The following VWA5A variants were observed in gnomAD, a reference collection of about 807,000 sequenced individuals.
VWA5A encodes von Willebrand factor A domain containing 5A, also known as von Willebrand factor A domain-containing protein 5A.
In VWA5A, 77 loss-of-function variants were observed where a neutral mutation model predicts 84.6. The ratio of observed to expected loss-of-function variants is 0.91; its 90% CI spans 0.76 to 1.10. VWA5A has a LOEUF of 1.10. Among genes scored for constraint, VWA5A ranks in the 50% least tolerant of loss-of-function variants. The pLI, the probability that VWA5A is intolerant of heterozygous loss-of-function variation, is 0.00. For synonymous variants in VWA5A, 334 were observed against 350.1 expected (o/e 0.95, Z 0.51); for missense variants, 973 against 963.0 (o/e 1.01, Z -0.14).
chr11:124,118,863 AC>A, intron 6 of VWA5A, 111 bp from the exon 7 acceptor site: 1 of 1,341,106 alleles, frequency 7.5e-7, no homozygotes, highest in Non-Finnish European at 1.0e-6. Context: ...CTCCAGCCTC[AC>A]CTCTGTTCCT....
At position 124,141,649 on chromosome 11, in the gene VWA5A, G is replaced by C. The variant is rs1288120462; in HGVS notation, c.1931G>C (p.Arg644Thr). Residue 644 changes from arginine (R) to threonine (T), a missense_variant, in exon 16 of 19, where the codon AGA becomes ACA. Coordinates refer to ENST00000456829, the MANE Select transcript of VWA5A (RefSeq NM_001130142.2). Reference protein sequence around the residue: ...SDRPPSASQPRGELMCYKAKT... With the variant: ...SDRPPSASQPTGELMCYKAKT... Reference sequence around the variant, plus strand: ...CGTCCTCCTTCTGCATCTCAGCCCAGAGGGGAACTTATGTGTTATAAGGCC... The same window carrying C: ...CGTCCTCCTTCTGCATCTCAGCCCACAGGGGAACTTATGTGTTATAAGGCC... 9.9e-6 allele frequency: 16 copies of C among 1,614,134 alleles called. No individual in the cohort carries two copies. Among genetic ancestry groups the C allele is most frequent in the Non-Finnish European group, 1.4e-5 (16 of 1,180,034 alleles).
intron 15 of VWA5A, among the ~76,000 whole-genome samples, chr11:124,139,225 TTG>T (rs113893702): frequency 0.19 from 28,183 of 147,208 alleles, 2,873 homozygotes; most frequent in East Asian, 0.49. Context: ...AGCATTTTGT[TTG>T]TGTGTGTGTG....
At chr11:124,120,066 A>C (rs1231792534) in intron 7 of VWA5A, among the ~76,000 whole-genome samples, 3 of 152,214 alleles carry the variant, frequency 2.0e-5, no homozygotes, top group African/African-American at 7.2e-5. Context: ...TTAAGTGTAC[A>C]GTTCTGTGGT....
chr11:124,125,938 C>T (rs920204317), intron 11 of VWA5A, among the ~76,000 whole-genome samples: 3 of 152,158 alleles, frequency 2.0e-5, no homozygotes, highest in African/African-American at 4.8e-5. Context: ...TCCAAAGTTT[C>T]GTATTTTTGT....
intron 17 of VWA5A, among the ~76,000 whole-genome samples, chr11:124,142,968 C>T (rs564915109): frequency 6.6e-6 from 1 of 152,142 alleles, no homozygotes; most frequent in East Asian, 1.9e-4. Context: ...AAGGTAGATC[C>T]CATTTGTGTT....
At chr11:124,128,926 A>G (rs1865058216) in intron 11 of VWA5A, among the ~76,000 whole-genome samples, 1 of 152,222 alleles carries the variant, frequency 6.6e-6, no homozygotes, top group Non-Finnish European at 1.5e-5. Flanking sequence ...TCATCTGCAA[A>G]CAGAGAGAAT....
intron 11 of VWA5A, among the ~76,000 whole-genome samples, chr11:124,125,425 G>A (rs1865005337): frequency 6.6e-6 from 1 of 152,062 alleles, no homozygotes; most frequent in Admixed American, 6.6e-5. Context: ...TGGGACTGCA[G>A]GTGCCCACCA....
chr11:124,141,092 T>C (rs769685070), intron 15 of VWA5A, among the ~76,000 whole-genome samples: 2 of 152,214 alleles, frequency 1.3e-5, no homozygotes, highest in Non-Finnish European at 2.9e-5. Flanking sequence ...TGGAAGTCTA[T>C]GGTCTAGTTT....
At chr11:124,131,006 C>T (rs958951240) in intron 11 of VWA5A, among the ~76,000 whole-genome samples, 1 of 152,022 alleles carries the variant, frequency 6.6e-6, no homozygotes. Flanking sequence ...TTCTTTTCTA[C>T]AGTGAGATAA....
chr11:124,124,192 A>G (rs1445556245), intron 10 of VWA5A, 45 bp from the exon 11 acceptor site: 6 of 1,590,736 alleles, frequency 3.8e-6, no homozygotes, highest in Non-Finnish European at 5.2e-6. Context: ...GTTTCTTAAA[A>G]AGAACTTGAC....
At chr11:124,129,958 T>C (rs755652901) in intron 11 of VWA5A, among the ~76,000 whole-genome samples, 1 of 152,110 alleles carries the variant, frequency 6.6e-6, no homozygotes, top group African/African-American at 2.4e-5. Flanking sequence ...TTTTGAAGGG[T>C]TTTTTCTGTT....
Position 124,145,371 on chromosome 11 carries a change from C to T in VWA5A, c.2281+8C>T, listed in dbSNP as rs1860801166. On this transcript the variant is annotated splice_region_variant and intron_variant, in intron 18 of 18. Transcript: ENST00000456829. The stretch of plus-strand genomic sequence containing the variant: ...GGATGCGTGCCCATGCAGGTAGGAG[C>T]ACAATCCTAAGGCCTGTCTCCTTCC... The T allele has an allele frequency of 1.2e-6, 2 of 1,608,672 alleles. No individual in the cohort carries two copies. The highest frequency in any genetic ancestry group is 4.5e-5 in the East Asian group (2 of 44,742).
intron 11 of VWA5A, chr11:124,124,581 A>G (rs915143555): frequency 1.2e-5 from 14 of 1,174,212 alleles, no homozygotes; most frequent in Non-Finnish European, 1.4e-5. Flanking sequence ...AATTTTTTTT[A>G]CTATAAACAT....
At chr11:124,145,202 C>A (rs2137670104) in intron 17 of VWA5A, 35 bp from the exon 18 acceptor site, 1 of 1,582,964 alleles carries the variant, frequency 6.3e-7, no homozygotes, top group East Asian at 2.3e-5. Flanking sequence ...TGAGGGACTT[C>A]CTGTGCCAAC....
chr11:124,136,356 G>A, intron 13 of VWA5A, 63 bp downstream of exon 13: 4 of 1,567,804 alleles, frequency 2.6e-6, no homozygotes, highest in Non-Finnish European at 3.5e-6. Flanking sequence ...TTCCACTAAA[G>A]CTGGTAGGTG....
At position 124,135,028 on chromosome 11, in the gene VWA5A, G is replaced by A. The variant is rs1865153071; in HGVS notation, c.1353G>A (p.Gln451=). 11 of 1,613,018 alleles carry A rather than the reference G, an allele frequency of 6.8e-6. No individual in the cohort carries two copies. The highest frequency in any genetic ancestry group is 9.3e-6 in the Non-Finnish European group (11 of 1,179,458). The change falls in exon 12 of 19, where the codon CAG becomes CAA. Residue 451 remains glutamine, a synonymous_variant. Coordinates refer to ENST00000456829, the MANE Select transcript of VWA5A (RefSeq NM_001130142.2). ...TTATCACAGGCAAAGACAGGATGCA[G>A]TCCAAGGTGAGGGACAGACTGACTG... The part of the protein sequence containing the change: ...SEFITGKDRM[Q]SKALRTLKRS...
chr11:124,142,390 G>C, intron 16 of VWA5A, 52 bp from the exon 17 acceptor site: 1 of 1,602,790 alleles, frequency 6.2e-7, no homozygotes, highest in Non-Finnish European at 8.5e-7. Context: ...AGTGTGCTGA[G>C]GTGCCGATAG....
rs1302478432 is a variant in VWA5A, at chr11:124,123,365, G to C, written c.931-1G>C. 34 of 1,613,012 alleles carry C rather than the reference G, an allele frequency of 2.1e-5. No homozygotes were observed. Among genetic ancestry groups the C allele is most frequent in the Non-Finnish European group, 2.6e-5 (31 of 1,179,760 alleles). On this transcript the variant is annotated splice_acceptor_variant, in intron 8 of 18. Transcript: ENST00000456829. LOFTEE classifies it high-confidence loss of function. ...GTCTCTTCATACTCTCTTACCTTCA[G>C]GAAACACTGATTTTGCTGCTGAAGA...
At chr11:124,121,669 G>C (rs960888028) in intron 7 of VWA5A, among the ~76,000 whole-genome samples, 2 of 152,198 alleles carry the variant, frequency 1.3e-5, no homozygotes, top group African/African-American at 4.8e-5. Flanking sequence ...AAGCAGAGGA[G>C]CTAAAGTTTG....
Sources: allele counts gnomAD v4.1 joint callset (sites outside exome capture counted in the v4.1 genomes callset), GRCh38; gene constraint gnomAD v4.1.1; transcripts MANE v1.5; gene names NCBI Gene and HGNC (gene_info 2026-07-23, HGNC 2026-07-21).